The following CAP2 variants were observed in gnomAD, a reference collection of about 807,000 sequenced individuals.
The protein encoded by CAP2 is cyclase associated actin cytoskeleton regulatory protein 2, also known as adenylyl cyclase-associated protein 2.
A neutral mutation model predicts 57.7 loss-of-function variants in CAP2; 24 were observed. That is an observed-to-expected ratio of 0.42 (90% CI 0.30 to 0.58). CAP2 has a LOEUF of 0.58. Among genes scored for constraint, CAP2 ranks in the 20% least tolerant of loss-of-function variants. CAP2 has a pLI of 0.22. For missense variants in CAP2, 501 were observed against 590.3 expected (o/e 0.85, Z 1.57); for synonymous variants, 194 against 207.2 (o/e 0.94, Z 0.55).
intron 9 of CAP2, among the ~76,000 whole-genome samples, chr6:17,542,506 T>C (rs1174892212): frequency 1.3e-5 from 2 of 152,206 alleles, no homozygotes; most frequent in African/African-American, 4.8e-5. Flanking sequence ...AACTCCTGTT[T>C]GACACAGCAG....
intron 11 of CAP2, among the ~76,000 whole-genome samples, chr6:17,544,700 C>T (rs1032970135): frequency 2.0e-5 from 3 of 152,074 alleles, no homozygotes; most frequent in African/African-American, 7.2e-5. Context: ...TTACAGGTGA[C>T]CACCACCATG....
At position 17,446,563 on chromosome 6, in the gene CAP2, T is replaced by C. The variant is rs116042753; in HGVS notation, c.223-16433T>C. On this transcript the variant is annotated intron_variant, in intron 3 of 12. Coordinates refer to ENST00000229922, the MANE Select transcript of CAP2 (RefSeq NM_006366.3). ...GTGGCATATGCACTTAAGAGAGATT[T>C]GTCTTGTTAAAAATAAATTCTGGAG... Among the ~76,000 whole-genome samples the C allele has an allele frequency of 6.8e-3, 1,041 of 152,336 alleles. 7 individuals carry two copies. Among genetic ancestry groups the C allele is most frequent in the Non-Finnish European group, 0.01 (708 of 68,032 alleles).
intron 4 of CAP2, among the ~76,000 whole-genome samples, chr6:17,487,572 C>G (rs566564584): frequency 6.6e-6 from 1 of 152,112 alleles, no homozygotes; most frequent in East Asian, 1.9e-4. Flanking sequence ...CGGGTTCAAG[C>G]GATTCTCCTG....
intron 7 of CAP2, among the ~76,000 whole-genome samples, chr6:17,525,094 G>T (rs1000183544): frequency 2.6e-5 from 4 of 151,618 alleles, no homozygotes; most frequent in Non-Finnish European, 5.9e-5. Flanking sequence ...ATAGAAATGG[G>T]GTTTCACCAT....
rs561920863 is a variant in CAP2, at chr6:17,508,486, C to T, written c.530+760C>T. 1.4e-4 allele frequency among the ~76,000 whole-genome samples: 21 copies of T among 152,262 alleles called. No homozygotes were observed. In the South Asian group the frequency reaches 4.1e-3, roughly 30 times the overall value. On this transcript the variant is annotated intron_variant, in intron 6 of 12. Transcript: ENST00000229922. ...CCCTCTGATAAGGTCGTGCCTTGTA[C>T]TCTAAACAGCTGGCTAAATGTGATG... is the stretch of plus-strand genomic sequence containing the variant.
chr6:17,557,282 C>T lies in CAP2; in HGVS notation c.*840C>T, dbSNP rs950196965. The T allele has an allele frequency of 2.6e-5, 4 of 152,040 alleles. No homozygotes were observed. The highest frequency in any genetic ancestry group is 2.1e-4 in the South Asian group (1 of 4,830). The allele number at this position is 152,040 out of a possible 1,614,324, so 9.4% of individuals were successfully genotyped here. On this transcript the variant is annotated 3_prime_UTR_variant, in exon 13 of 13. Transcript: ENST00000229922. ...GATGCCTTGTAAATTATGTCTTTAA[C>T]GTTTTCTTATAGACTAATTTCCTCT...
intron 3 of CAP2, among the ~76,000 whole-genome samples, chr6:17,427,664 T>A (rs1217025970): frequency 1.3e-5 from 2 of 151,446 alleles, no homozygotes; most frequent in African/African-American, 4.9e-5. Flanking sequence ...TCTATGTATA[T>A]CCCCCAAATT....
Position 17,426,590 on chromosome 6 carries a change from G to C in CAP2, c.122G>C (p.Gly41Ala). Reference sequence around the variant, plus strand: ...ATAACAAACTGCTCCTTTCCCCAAGGTGTGGCACCCTCCGTGGAAGCCTTT... The same window carrying C: ...ATAACAAACTGCTCCTTTCCCCAAGCTGTGGCACCCTCCGTGGAAGCCTTT... ...NCGEVNGVIA[G>A]VAPSVEAFDK... The change falls in exon 3 of 13, where the codon GGT becomes GCT. Residue 41 changes from glycine to alanine, a missense_variant and splice_region_variant. By Grantham distance (60) the Gly-to-Ala change is moderately conservative. Transcript: ENST00000229922. The C allele has an allele frequency of 6.2e-7, 1 of 1,612,028 alleles. No individual in the cohort carries two copies. Among genetic ancestry groups the C allele is most frequent in the Non-Finnish European group, 8.5e-7 (1 of 1,178,214 alleles).
chr6:17,425,994 C>G (rs1346211072), intron 2 of CAP2, among the ~76,000 whole-genome samples: 11 of 151,868 alleles, frequency 7.2e-5, no homozygotes, highest in Admixed American at 7.2e-4. Context: ...ACTTGGGAGC[C>G]TGAGGCTGGA....
chr6:17,546,718 A>C (rs971677380), intron 11 of CAP2, among the ~76,000 whole-genome samples: 8 of 152,204 alleles, frequency 5.3e-5, no homozygotes, highest in Admixed American at 1.3e-4. Context: ...ACCCACAGGC[A>C]ATATCATATT....
rs192197390 is a variant in CAP2, at chr6:17,547,652, T to C, written c.1210-3812T>C. ...GTCCGGAGATTGAGACCATCCTGGC[T>C]AACACAGTGAAACCCTGTCTCTACT... On this transcript the variant is annotated intron_variant, in intron 11 of 12. Coordinates refer to ENST00000229922, the MANE Select transcript of CAP2 (RefSeq NM_006366.3). Among the ~76,000 whole-genome samples, 418 of 152,018 alleles carry C rather than the reference T, an allele frequency of 2.7e-3. 7 individuals are homozygous for C. The highest frequency in any genetic ancestry group is 6.1e-3 in the African/African-American group (254 of 41,476).
At chr6:17,400,277 C>T (rs534121362) in intron 1 of CAP2, among the ~76,000 whole-genome samples, 1 of 152,124 alleles carries the variant, frequency 6.6e-6, no homozygotes, top group East Asian at 1.9e-4. Context: ...ACATAGACAG[C>T]TTTGTTGTCC....
intron 7 of CAP2, among the ~76,000 whole-genome samples, chr6:17,528,953 C>T (rs937791648): frequency 6.6e-6 from 1 of 152,130 alleles, no homozygotes; most frequent in Non-Finnish European, 1.5e-5. Flanking sequence ...CAGTGGCTCA[C>T]GCCTGTAATC....
At chr6:17,548,883 C>T (rs145021018) in intron 11 of CAP2, among the ~76,000 whole-genome samples, 2 of 152,224 alleles carry the variant, frequency 1.3e-5, no homozygotes, top group Admixed American at 1.3e-4. Flanking sequence ...TCACATCATA[C>T]ATAAAAGTAA....
At chr6:17,451,876 A>AT (rs1760414890) in intron 3 of CAP2, among the ~76,000 whole-genome samples, 1 of 152,134 alleles carries the variant, frequency 6.6e-6, no homozygotes, top group African/African-American at 2.4e-5. Context: ...TTTTCAATAG[A>AT]TTTTTTTCTG....
In CAP2 at chr6:17,438,437, T is replaced by TG. The variant is rs1561783584; in HGVS notation, c.222+11747_222+11748insG. On this transcript the variant is annotated intron_variant, in intron 3 of 12. Coordinates refer to ENST00000229922, the MANE Select transcript of CAP2 (RefSeq NM_006366.3). ...CTTGTTTGACCATCCAGAAGTGTTT[T>TG]TTTTTTTTTTTTTTTTTTTGAGACG... 2.5e-3 allele frequency among the ~76,000 whole-genome samples: 286 copies of TG among 115,272 alleles called. 11 individuals are homozygous for TG. The highest frequency in any genetic ancestry group is 0.011 in the South Asian group (36 of 3,406). The allele number at this position is 115,272 out of a possible 152,430, so 75.6% of individuals were successfully genotyped here. A position where few individuals can be genotyped will look rare whatever the true frequency, so the allele number is the denominator to read the frequency against.
chr6:17,453,519 G>A (rs188676337), intron 3 of CAP2, among the ~76,000 whole-genome samples: 2 of 152,136 alleles, frequency 1.3e-5, no homozygotes, highest in Non-Finnish European at 2.9e-5. Flanking sequence ...CAGTCACGTT[G>A]CCTTGACCAC....
intron 11 of CAP2, among the ~76,000 whole-genome samples, chr6:17,544,661 A>G (rs948802302): frequency 6.6e-6 from 1 of 151,932 alleles, no homozygotes; most frequent in East Asian, 1.9e-4. Context: ...AGTGATTCTC[A>G]TATGCCTCAG....
At position 17,406,398 on chromosome 6, in the gene CAP2, CT is replaced by C. The variant is rs777803474; in HGVS notation, c.-2+12667del. 2.8e-3 allele frequency among the ~76,000 whole-genome samples: 286 copies of C among 102,328 alleles called. 1 individual carries two copies. Among genetic ancestry groups the C allele is most frequent in the Admixed American group, 4.8e-3 (51 of 10,708 alleles). The allele number at this position is 102,328 out of a possible 152,430, so 67.1% of individuals were successfully genotyped here. A position where few individuals can be genotyped will look rare whatever the true frequency, so the allele number is the denominator to read the frequency against. Reference sequence around the variant, plus strand: ...CTTTTCTGTCAGTAAGCCCAGATTTCTTTTTTTTTTTTTTTGAGGCAGTCTC... The same window carrying C: ...CTTTTCTGTCAGTAAGCCCAGATTTCTTTTTTTTTTTTTTGAGGCAGTCTC... On this transcript the variant is annotated intron_variant, in intron 1 of 12. Coordinates refer to ENST00000229922, the MANE Select transcript of CAP2 (RefSeq NM_006366.3).
Sources: gnomAD v4.1 joint callset for allele counts (sites outside exome capture counted in the v4.1 genomes callset) on GRCh38, gnomAD v4.1.1 for gene constraint, MANE v1.5 for transcripts, NCBI Gene and HGNC (gene_info 2026-07-23, HGNC 2026-07-21) for gene names.